Variants in ZAN observed in about 807,000 individuals in gnomAD.
ZAN encodes the protein zonadhesin, also known as zonadhesin (gene/pseudogene).
ZAN carries 260 observed loss-of-function variants against 286.2 expected under a neutral mutation model. That is an observed-to-expected ratio of 0.91 (90% CI 0.82 to 1.01). ZAN has a LOEUF of 1.01. Ranked by LOEUF, ZAN falls within the 50% of genes least tolerant of loss-of-function variation. The pLI is 0.00. For missense variants in ZAN, 3,410 were observed against 3,639.2 expected (o/e 0.94, Z 1.62); for synonymous variants, 1,368 against 1,417.5 (o/e 0.97, Z 0.79).
At position 100,734,741 on chromosome 7, in the gene ZAN, A is replaced by G. The variant is rs1260455615; in HGVS notation, c.53+520A>G. On this transcript the variant is annotated intron_variant, in intron 2 of 47. Coordinates refer to ENST00000613979, the MANE Select transcript of ZAN (RefSeq NM_003386.3). ...CGGGTTCTGGGAGCGGGACAGGGCT[A>G]CAATGTGAGAAGGGACGGAGGAGGT... Among the ~76,000 whole-genome samples the G allele has an allele frequency of 6.4e-5, 9 of 141,080 alleles. 1 individual carries two copies. The highest frequency in any genetic ancestry group is 6.4e-4 in the Admixed American group (9 of 14,146). The allele number at this position is 141,080 out of a possible 152,430, so 92.6% of individuals were successfully genotyped here.
chr7:100,764,005 CT>C (rs1809773508), intron 21 of ZAN, 21 bp from the exon 22 acceptor site: 3 of 1,613,738 alleles, frequency 1.9e-6, no homozygotes, highest in African/African-American at 1.3e-5. Flanking sequence ...TGCATTCCCC[CT>C]GACTTGGTCA....
At chr7:100,748,538 C>T in intron 11 of ZAN, 68 bp downstream of exon 11, 1 of 1,540,708 alleles carries the variant, frequency 6.5e-7, no homozygotes, top group Non-Finnish European at 8.8e-7. Flanking sequence ...AGGCTGGCTG[C>T]TGTGACTGAT....
chr7:100,787,592 C>T (rs934079735), intron 37 of ZAN, among the ~76,000 whole-genome samples: 1 of 152,110 alleles, frequency 6.6e-6, no homozygotes, highest in African/African-American at 2.4e-5. Flanking sequence ...TGGTGTCTTA[C>T]TCTGTCTCCC....
At chr7:100,786,878 C>T (rs1363461518) in intron 37 of ZAN, among the ~76,000 whole-genome samples, 1 of 151,908 alleles carries the variant, frequency 6.6e-6, no homozygotes, top group Non-Finnish European at 1.5e-5. Flanking sequence ...ATAGGAAGAC[C>T]CTGTCCCTAC....
chr7:100,786,710 C>T (rs899004432), intron 37 of ZAN, among the ~76,000 whole-genome samples: 9 of 152,114 alleles, frequency 5.9e-5, no homozygotes, highest in Admixed American at 5.2e-4. Flanking sequence ...TGTGCCCGCC[C>T]CCTCTAAGGT....
rs1024801834 is a variant in ZAN at position 100,756,293 on chromosome 7, G to A, written c.3309+883G>A. On this transcript the variant is annotated intron_variant, in intron 15 of 47. Coordinates refer to ENST00000613979, the MANE Select transcript of ZAN (RefSeq NM_003386.3). ...AAAGTGCATTAAAGGGCCCAGCGTGGTGACTCACAGCTGTAATCCCAACAC... is the reference window on the plus strand; with the variant it reads ...AAAGTGCATTAAAGGGCCCAGCGTGATGACTCACAGCTGTAATCCCAACAC... Among the ~76,000 whole-genome samples, 5 of 152,204 alleles carry A rather than the reference G, an allele frequency of 3.3e-5. No individual in the cohort carries two copies. In the East Asian group the frequency reaches 5.8e-4, roughly 18 times the overall value.
chr7:100,776,601 TTTTC>T (rs750939419), intron 34 of ZAN, 37 bp downstream of exon 34: 44 of 1,462,072 alleles, frequency 3.0e-5, no homozygotes, highest in South Asian at 2.0e-4. Flanking sequence ...TTTTCTTTCT[TTTTC>T]TTTCTTTGTC....
Position 100,762,333 on chromosome 7 carries a change from C to T in ZAN, c.3961C>T (p.Gln1321Ter). ...CAAGGAGGAGCTGGGGAACAGCTGG[C>T]AGACGGACCAGGACGAGGACCAGGA... ...GDKEELGNSW[Q>*]TDQDEDQECQ... Residue 1321 changes from glutamine (Q) to a stop codon, truncating the protein, a stop_gained, in exon 20 of 48, where the codon CAG (glutamine) becomes TAG (stop). Transcript: ENST00000613979. LOFTEE classifies it high-confidence loss of function. 6.2e-7 allele frequency: 1 copy of T among 1,612,420 alleles called. No homozygotes were observed. The highest frequency in any genetic ancestry group is 8.5e-7 in the Non-Finnish European group (1 of 1,179,316).
chr7:100,784,374 C>T (rs975336718), intron 35 of ZAN, among the ~76,000 whole-genome samples: 8 of 152,028 alleles, frequency 5.3e-5, no homozygotes, highest in Admixed American at 1.3e-4. Flanking sequence ...GTGATCCACC[C>T]ACCTCAGCCT....
At chr7:100,750,523 T>C (rs1402281361) in intron 11 of ZAN, 102 bp from the exon 12 acceptor site, 2 of 1,341,992 alleles carry the variant, frequency 1.5e-6, no homozygotes, top group East Asian at 5.0e-5. Flanking sequence ...GAAATTTGAG[T>C]GTTTGCTCAG....
chr7:100,792,649 C>T, intron 42 of ZAN, 170 bp downstream of exon 42: 1 of 1,394,378 alleles, frequency 7.2e-7, no homozygotes. Context: ...GTCTTAGTCC[C>T]ATCATCCCTC....
Position 100,793,900 on chromosome 7 carries a change from G to C in ZAN, c.7868G>C (p.Arg2623Pro). ...PSILCQPGRP[R>P]GLRGPLRGRL... ...ATCCTGTGCCAACCTGGCAGACCCC[G>C]GGGACTGCGAGGGCCCCTGCGTGGA... The change falls in exon 43 of 48, where the codon CGG (arginine) becomes CCG (proline). Residue 2623 changes from arginine to proline, a missense_variant. Around this residue, in one of 7 missense-constraint regions of ZAN, gnomAD observed 1,289 missense variants for 1,314.3 expected, o/e 0.98. Coordinates refer to ENST00000613979, the MANE Select transcript of ZAN (RefSeq NM_003386.3). The C allele has an allele frequency of 6.2e-7, 1 of 1,613,866 alleles. No individual in the cohort carries two copies. The highest frequency in any genetic ancestry group is 8.5e-7 in the Non-Finnish European group (1 of 1,179,848).
chr7:100,734,605 C>T lies in ZAN; in HGVS notation c.53+384C>T, dbSNP rs542833156. Among the ~76,000 whole-genome samples the T allele has an allele frequency of 1.5e-4, 19 of 123,560 alleles. 1 individual carries two copies. The highest frequency in any genetic ancestry group is 2.5e-4 in the Admixed American group (3 of 12,022). The allele number at this position is 123,560 out of a possible 152,430, so 81.1% of individuals were successfully genotyped here. ...TTGCACTCCAGCCTGGATGACAGAG[C>T]GAGACTCCGTCTCAAAAAAAAAAAA... On this transcript the variant is annotated intron_variant, in intron 2 of 47. Coordinates refer to ENST00000613979, the MANE Select transcript of ZAN (RefSeq NM_003386.3).
intron 42 of ZAN, 69 bp from the exon 43 acceptor site, chr7:100,793,751 A>G (rs1812149498): frequency 2.7e-6 from 4 of 1,500,222 alleles, no homozygotes; most frequent in Non-Finnish European, 3.6e-6. Context: ...TCTGAGTTTT[A>G]TCGGGTGACC....
Position 100,793,905 on chromosome 7 carries a change from C to A in ZAN, c.7873C>A (p.Leu2625Met), listed in dbSNP as rs767211699. The part of the protein sequence containing the change: ...ILCQPGRPRG[L>M]RGPLRGRLRQ... ...GTGCCAACCTGGCAGACCCCGGGGA[C>A]TGCGAGGGCCCCTGCGTGGAAGGCT... The change falls in exon 43 of 48, where the codon CTG becomes ATG. Residue 2625 changes from leucine (L) to methionine (M), a missense_variant. Leu to Met is a conservative substitution (Grantham distance 15). Coordinates refer to ENST00000613979, the MANE Select transcript of ZAN (RefSeq NM_003386.3). 1 of 1,613,964 alleles carries A rather than the reference C, an allele frequency of 6.2e-7. No individual in the cohort carries two copies. The highest frequency in any genetic ancestry group is 2.2e-5 in the East Asian group (1 of 44,884).
chr7:100,789,934 A>G (rs902772133), intron 39 of ZAN, among the ~76,000 whole-genome samples: 1 of 151,624 alleles, frequency 6.6e-6, no homozygotes, highest in Non-Finnish European at 1.5e-5. Context: ...GACAAGAGCA[A>G]AACTCCATCT....
Position 100,797,495 on chromosome 7 carries a change from G to A in ZAN, c.8366+30G>A, listed in dbSNP as rs769000977. On this transcript the variant is annotated intron_variant, in intron 46 of 47. Transcript: ENST00000613979. ...GTCCTGGGAAGGAGAGAGGAAGGGC[G>A]GGTGGGGTGTGCAAACCGGGAAGCG... is the stretch of plus-strand genomic sequence containing the variant. 10 of 1,613,712 alleles carry A rather than the reference G, an allele frequency of 6.2e-6. No individual in the cohort carries two copies. The South Asian group carries it at 6.6e-5, about 11-fold the overall frequency.
At position 100,752,498 on chromosome 7, in the gene ZAN, C is replaced by A; in HGVS notation, c.2393C>A (p.Thr798Lys). The part of the protein sequence containing the change: ...TIPTEKPTIS[T>K]EEPTTPTEET... The stretch of plus-strand genomic sequence containing the variant: ...CCCACAGAAAAACCCACCATCTCCA[C>A]AGAAGAGCCCACCACCCCCACTGAG... The change falls in exon 14 of 48, where the codon ACA becomes AAA. Residue 798 changes from threonine (T) to lysine (K), a missense_variant. Thr to Lys is a moderately conservative substitution (Grantham distance 78). Around this residue, in one of 7 missense-constraint regions of ZAN, gnomAD observed 90 missense variants for 87.1 expected, o/e 1.03. Transcript: ENST00000613979. The A allele has an allele frequency of 6.2e-7, 1 of 1,611,274 alleles. No homozygotes were observed.
rs754972479 is a variant in ZAN at position 100,735,687 on chromosome 7, T to C, written c.54-33T>C. 6.9e-6 allele frequency: 10 copies of C among 1,444,222 alleles called. 2 individuals carry two copies. In the African/African-American group the frequency reaches 1.5e-4, roughly 21 times the overall value. 89.5% of individuals were successfully genotyped at this position (1,444,222 alleles called of 1,614,324 possible). A position where few individuals can be genotyped will look rare whatever the true frequency, so the allele number is the denominator to read the frequency against. The stretch of plus-strand genomic sequence containing the variant: ...TTATAATTCTTGATAATGACACGAG[T>C]TGCATTTTTGCTTTCTTCAAACGAC... On this transcript the variant is annotated intron_variant, in intron 2 of 47. Transcript: ENST00000613979.
Sources: gnomAD v4.1 joint callset for allele counts (sites outside exome capture counted in the v4.1 genomes callset) on GRCh38, gnomAD v4.1.1 for gene constraint, gnomAD v4.1.1 regional missense constraint, MANE v1.5 for transcripts, NCBI Gene and HGNC (gene_info 2026-07-23, HGNC 2026-07-21) for gene names.